GRIP1: variants seen among roughly 807,000 people sequenced by gnomAD.
The protein encoded by GRIP1 is glutamate receptor-interacting protein 1.
A neutral mutation model predicts 129.9 loss-of-function variants in GRIP1; 45 were observed. The ratio of observed to expected loss-of-function variants is 0.35; its 90% CI spans 0.27 to 0.44. The LOEUF is 0.44. GRIP1 is among the 20% of genes least tolerant of loss of function. The pLI, the probability that GRIP1 is intolerant of heterozygous loss-of-function variation, is 1.00. For synonymous variants in GRIP1, 530 were observed against 520.8 expected, an observed-to-expected ratio of 1.02 and a Z score of -0.24; for missense variants, 1,196 against 1,396.8, an observed-to-expected ratio of 0.86 and a Z score of 2.29.
At chr12:66,962,986 G>A (rs1334520305) in intron 1 of GRIP1, among the ~76,000 whole-genome samples, 3 of 152,098 alleles carry the variant, frequency 2.0e-5, no homozygotes, top group African/African-American at 7.2e-5. Context: ...TTCATAACTG[G>A]AAACTTACTA....
chr12:66,862,703 G>A (rs934631787), intron 1 of GRIP1, among the ~76,000 whole-genome samples: 1 of 151,944 alleles, frequency 6.6e-6, no homozygotes, highest in African/African-American at 2.4e-5. Context: ...AGCTGTCAAA[G>A]TCCCTCCCCA....
intron 1 of GRIP1, among the ~76,000 whole-genome samples, chr12:66,615,693 A>C (rs2065010359): frequency 6.6e-6 from 1 of 152,126 alleles, no homozygotes; most frequent in African/African-American, 2.4e-5. Flanking sequence ...CCCACACTGG[A>C]GTATGCAGTG....
chr12:66,701,261 C>T (rs944165219), intron 1 of GRIP1, among the ~76,000 whole-genome samples: 1 of 152,176 alleles, frequency 6.6e-6, no homozygotes, highest in African/African-American at 2.4e-5. Flanking sequence ...TTCATAGCTG[C>T]CTCTTAGCCA....
At chr12:66,954,065 C>A (rs1437242339) in intron 1 of GRIP1, among the ~76,000 whole-genome samples, 1 of 152,198 alleles carries the variant, frequency 6.6e-6, no homozygotes. Context: ...GTTTGCATTT[C>A]TCCTACTGGG....
chr12:66,771,008 G>T (rs1462896300), intron 1 of GRIP1, among the ~76,000 whole-genome samples: 2 of 152,040 alleles, frequency 1.3e-5, no homozygotes, highest in Non-Finnish European at 2.9e-5. Context: ...CAGGAGAATC[G>T]CTTGAACCCA....
At chr12:66,780,818 G>T (rs1007185553) in intron 1 of GRIP1, among the ~76,000 whole-genome samples, 3 of 152,160 alleles carry the variant, frequency 2.0e-5, no homozygotes, top group Admixed American at 1.3e-4. Flanking sequence ...TTGGAACCCA[G>T]CTGTCATACT....
intron 1 of GRIP1, among the ~76,000 whole-genome samples, chr12:66,654,136 C>T (rs1054737455): frequency 6.6e-6 from 1 of 152,000 alleles, no homozygotes; most frequent in Non-Finnish European, 1.5e-5. Context: ...TAGATTGAAA[C>T]TTTTTCAACA....
At chr12:66,721,704 C>T (rs527359233) in intron 1 of GRIP1, among the ~76,000 whole-genome samples, 1 of 152,210 alleles carries the variant, frequency 6.6e-6, no homozygotes, top group East Asian at 1.9e-4. Flanking sequence ...TAGGAAAGTC[C>T]CAAATGTCTT....
intron 1 of GRIP1, among the ~76,000 whole-genome samples, chr12:66,745,926 A>G (rs372484528): frequency 2.6e-5 from 4 of 152,150 alleles, no homozygotes; most frequent in African/African-American, 9.7e-5. Context: ...CCAATCAGAG[A>G]TGGGTGGTAC....
chr12:66,913,281 T>C (rs971468397), intron 1 of GRIP1, among the ~76,000 whole-genome samples: 1 of 152,230 alleles, frequency 6.6e-6, no homozygotes, highest in Non-Finnish European at 1.5e-5. Context: ...GCATGTGCAG[T>C]AAACTTATCT....
chr12:66,864,700 C>A (rs1592913208), intron 1 of GRIP1, among the ~76,000 whole-genome samples: 1 of 151,980 alleles, frequency 6.6e-6, no homozygotes, highest in Non-Finnish European at 1.5e-5. Flanking sequence ...AGAGAGAGAC[C>A]CTGTCTCTGA....
At chr12:66,636,133 G>A (rs2031338902) in intron 1 of GRIP1, among the ~76,000 whole-genome samples, 1 of 152,170 alleles carries the variant, frequency 6.6e-6, no homozygotes, top group Non-Finnish European at 1.5e-5. Flanking sequence ...ATGACATTAT[G>A]CTAAGTGAAA....
chr12:66,582,261 T>A (rs534033104), intron 2 of GRIP1, among the ~76,000 whole-genome samples: 8 of 144,718 alleles, frequency 5.5e-5, no homozygotes, highest in African/African-American at 1.8e-4. Context: ...TATCTCAAAA[T>A]AATAAGAGCT....
chr12:67,057,436 TAAA>T (rs71088237), intron 1 of GRIP1, among the ~76,000 whole-genome samples: 30 of 126,782 alleles, frequency 2.4e-4, no homozygotes, highest in South Asian at 5.5e-4. Context: ...TCCAAGAACG[TAAA>T]AAAAAAAAAA....
chr12:66,662,419 C>A (rs1160982979), intron 1 of GRIP1, among the ~76,000 whole-genome samples: 1 of 152,100 alleles, frequency 6.6e-6, no homozygotes, highest in Non-Finnish European at 1.5e-5. Context: ...AACTTCACAT[C>A]TTTTTATAGT....
chr12:66,589,053 A>C (rs532054696), intron 2 of GRIP1, among the ~76,000 whole-genome samples: 1 of 152,110 alleles, frequency 6.6e-6, no homozygotes, highest in South Asian at 2.1e-4. Flanking sequence ...TAACAGGGGA[A>C]TTAATAAAAC....
intron 7 of GRIP1, among the ~76,000 whole-genome samples, chr12:66,468,225 C>G (rs1216836451): frequency 6.6e-6 from 1 of 152,174 alleles, no homozygotes; most frequent in African/African-American, 2.4e-5. Flanking sequence ...GCCCACCTCT[C>G]CCTCATTTCC....
chr12:66,992,847 T>C (rs1215743986), intron 1 of GRIP1, among the ~76,000 whole-genome samples: 1 of 152,218 alleles, frequency 6.6e-6, no homozygotes, highest in Non-Finnish European at 1.5e-5. Context: ...GTGTGGTAGC[T>C]CTTACCTATA....
chr12:66,628,739 G>T (rs1308960915), intron 1 of GRIP1, among the ~76,000 whole-genome samples: 1 of 152,162 alleles, frequency 6.6e-6, no homozygotes, highest in Non-Finnish European at 1.5e-5. Context: ...GTTGCTGTTG[G>T]CACCTAGTGG....
Sources: allele counts gnomAD v4.1 joint callset (sites outside exome capture counted in the v4.1 genomes callset), GRCh38; gene constraint gnomAD v4.1.1; transcripts MANE v1.5; gene names NCBI Gene and HGNC (gene_info 2026-07-23, HGNC 2026-07-21).